HOXB3: variants seen among roughly 807,000 people sequenced by gnomAD.
HOXB3 encodes homeobox protein Hox-B3.
Under a neutral mutation model 29.2 loss-of-function variants are expected in HOXB3, and 17 were observed. The ratio of observed to expected loss-of-function variants is 0.58; its 90% CI spans 0.40 to 0.87. The LOEUF is 0.87. Among genes scored for constraint, HOXB3 ranks in the 40% least tolerant of loss-of-function variants. HOXB3 has a pLI of 0.00. For synonymous variants in HOXB3, 317 were observed against 285.9 expected (o/e 1.11, Z -1.10); for missense variants, 637 against 616.3 (o/e 1.03, Z -0.35).
At chr17:48,583,797 A>G (rs1191752750) in intron 1 of HOXB3, among the ~76,000 whole-genome samples, 1 of 152,218 alleles carries the variant, frequency 6.6e-6, no homozygotes, top group Admixed American at 6.5e-5. Flanking sequence ...TCCTGGCCTG[A>G]CACTGCAGAG....
In HOXB3 at chr17:48,550,435, C is replaced by G; in HGVS notation, c.1195G>C (p.Gly399Arg). The change falls in exon 5 of 5, where the codon GGA becomes CGA. Residue 399 changes from glycine to arginine, a missense_variant. Coordinates refer to ENST00000498678, the MANE Select transcript of HOXB3 (RefSeq NM_001384749.1). ...APPMAPSQHH[G>R]PCEPHPTYTD... The stretch of plus-strand genomic sequence containing the variant: ...TAGGTGGGGTGGGGTTCGCAGGGTC[C>G]GTGGTGCTGGCTGGGCGCCATAGGG... 6.2e-7 allele frequency: 1 copy of G among 1,613,734 alleles called. No homozygotes were observed. Among genetic ancestry groups the G allele is most frequent in the East Asian group, 2.2e-5 (1 of 44,842 alleles).
intron 1 of HOXB3, chr17:48,582,308 C>T (rs1401599917): frequency 6.6e-6 from 1 of 152,336 alleles, no homozygotes. Flanking sequence ...GCTCCCCAGC[C>T]CCGCCGGCCG....
At chr17:48,559,118 AGCACTC>A (rs1472571346) in intron 2 of HOXB3, among the ~76,000 whole-genome samples, 1 of 152,052 alleles carries the variant, frequency 6.6e-6, no homozygotes, top group Non-Finnish European at 1.5e-5. Context: ...TCAGAGCCAG[AGCACTC>A]GCTCTGGCAC....
rs201124186 is a variant in HOXB3, at chr17:48,552,336, A to T, written c.139T>A (p.Tyr47Asn). The stretch of plus-strand genomic sequence containing the variant: ...TGCAGCGAGCAAGCTGAGCGCTGGT[A>T]GTCGCCCTCCAGGTGCGTGGCGGCC... ...FQAATHLEGD[Y>N]QRSACSLQSL... Residue 47 changes from tyrosine (Y) to asparagine (N), a missense_variant, in exon 4 of 5, where the codon TAC (tyrosine) becomes AAC (asparagine). Tyr to Asn is a moderately radical substitution (Grantham distance 143, BLOSUM62 -2). Coordinates refer to ENST00000498678, the MANE Select transcript of HOXB3 (RefSeq NM_001384749.1). 1 of 1,613,978 alleles carries T rather than the reference A, an allele frequency of 6.2e-7. No homozygotes were observed. Among genetic ancestry groups the T allele is most frequent in the African/African-American group, 1.3e-5 (1 of 74,986 alleles).
intron 2 of HOXB3, among the ~76,000 whole-genome samples, chr17:48,563,246 A>T (rs575127715): frequency 1.3e-4 from 20 of 152,232 alleles, no homozygotes; most frequent in Non-Finnish European, 2.5e-4. Flanking sequence ...GCTCTGCTGC[A>T]TGTGGCTGCG....
Position 48,552,032 on chromosome 17 carries a change from C to A in HOXB3, c.443G>T (p.Gly148Val). 2 of 1,570,270 alleles carry A rather than the reference C, an allele frequency of 1.3e-6. No homozygotes were observed. Among genetic ancestry groups the A allele is most frequent in the Non-Finnish European group, 8.7e-7 (1 of 1,153,970 alleles). Reference sequence around the variant, plus strand: ...GGAAGGCAGAGAACTGGTACCTGTGCCGGGGGAGTTGTTTTTCAGCTTGGA... The same window carrying A: ...GGAAGGCAGAGAACTGGTACCTGTGACGGGGGAGTTGTTTTTCAGCTTGGA... Reference protein sequence around the residue: ...QTSKLKNNSPGTAEGCGGGGG... With the variant: ...QTSKLKNNSPVTAEGCGGGGG... Residue 148 changes from glycine to valine, a missense_variant, in exon 4 of 5, where the codon GGC (glycine) becomes GTC (valine). Coordinates refer to ENST00000498678, the MANE Select transcript of HOXB3 (RefSeq NM_001384749.1).
intron 1 of HOXB3, chr17:48,577,887 TC>T: frequency 7.2e-7 from 1 of 1,387,786 alleles, no homozygotes; most frequent in Non-Finnish European, 9.4e-7. Flanking sequence ...ACTTTGCGCA[TC>T]CAGGGGTAGA....
chr17:48,554,709 AGCCGGCC>A lies in HOXB3; in HGVS notation c.-159+815_-159+821del, dbSNP rs2068891326. On this transcript the variant is annotated intron_variant, in intron 3 of 4. Coordinates refer to ENST00000498678, the MANE Select transcript of HOXB3 (RefSeq NM_001384749.1). This position sits in a 1 kb window ranked among gnomAD's most constrained non-coding sequence, Gnocchi z 4.1. ...ATCGGAGGCAGGTTCCCAGCACACCAGCCGGCCGAGGGCCGAGCCCCGCGGGCGGCAG... is the reference window on the plus strand; with the variant it reads ...ATCGGAGGCAGGTTCCCAGCACACCAGAGGGCCGAGCCCCGCGGGCGGCAG... 2 of 702,272 alleles carry A rather than the reference AGCCGGCC, an allele frequency of 2.8e-6. No individual in the cohort carries two copies. Among genetic ancestry groups the A allele is most frequent in the Admixed American group, 2.0e-5 (1 of 49,998 alleles). 43.5% of individuals were successfully genotyped at this position (702,272 alleles called of 1,614,324 possible). A position where few individuals can be genotyped will look rare whatever the true frequency, so the allele number is the denominator to read the frequency against.
At chr17:48,551,535 A>T (rs2068743169) in intron 4 of HOXB3, among the ~76,000 whole-genome samples, 1 of 152,014 alleles carries the variant, frequency 6.6e-6, no homozygotes, top group Admixed American at 6.5e-5. Context: ...CAGGGAAGAC[A>T]TTTCCCCTCC....
chr17:48,551,323 C>T, intron 4 of HOXB3, 142 bp from the exon 5 acceptor site: 2 of 1,056,796 alleles, frequency 1.9e-6, no homozygotes, highest in Non-Finnish European at 2.4e-6. Context: ...CGGGTCCCCG[C>T]CGCCTCCTCA....
In HOXB3 at chr17:48,571,164, G is replaced by A. The variant is rs1290833592; in HGVS notation, c.-247+2673C>T. 4.6e-5 allele frequency among the ~76,000 whole-genome samples: 7 copies of A among 152,326 alleles called. No individual in the cohort carries two copies. The Middle Eastern group carries it at 0.014, about 296-fold the overall frequency. Reference sequence around the variant, plus strand: ...GCGAGCCGAGCACTTTCTTGCTGCCGATAAAGCGAACGTTTACACTGTGAG... The same window carrying A: ...GCGAGCCGAGCACTTTCTTGCTGCCAATAAAGCGAACGTTTACACTGTGAG... On this transcript the variant is annotated intron_variant, in intron 2 of 4. Transcript: ENST00000498678.
At position 48,554,760 on chromosome 17, in the gene HOXB3, G is replaced by A. The variant is rs2068893223; in HGVS notation, c.-159+771C>T. ...GCGGCAGCAAGTTTTGGGAGCTGGA[G>A]GTAACCGAATTAAAAGGCGCCTTAG... On this transcript the variant is annotated intron_variant, in intron 3 of 4. Coordinates refer to ENST00000498678, the MANE Select transcript of HOXB3 (RefSeq NM_001384749.1). The surrounding 1 kb of genome is among the most constrained non-coding windows in gnomAD (Gnocchi z 4.1). 3 of 702,264 alleles carry A rather than the reference G, an allele frequency of 4.3e-6. No individual in the cohort carries two copies. In the South Asian group the frequency reaches 4.4e-5, roughly 10 times the overall value. 43.5% of individuals were successfully genotyped at this position (702,264 alleles called of 1,614,324 possible). A position where few individuals can be genotyped will look rare whatever the true frequency, so the allele number is the denominator to read the frequency against.
At chr17:48,555,662 G>GCCCCCCC in intron 2 of HOXB3, 44 bp from the exon 3 acceptor site, 3 of 693,292 alleles carry the variant, frequency 4.3e-6, no homozygotes, top group Non-Finnish European at 7.9e-6. Flanking sequence ...AAGCTGCGTC[G>GCCCCCCC]CCCCCCGCCC....
At chr17:48,589,038 T>C (rs545545793) in intron 1 of HOXB3, among the ~76,000 whole-genome samples, 189 of 148,214 alleles carry the variant, frequency 1.3e-3, no homozygotes, top group Admixed American at 3.2e-3. Flanking sequence ...GGTGTTAAAT[T>C]GGAGGGGGGT....
Position 48,550,239 on chromosome 17 carries a change from C to A in HOXB3, c.*95G>T. ...GACCAGGAAGCCTGGGTACCACCTT[C>A]TCTGGCTCCTCTTTTCAGACCTCCA... On this transcript the variant is annotated 3_prime_UTR_variant, in exon 5 of 5. Transcript: ENST00000498678. The A allele has an allele frequency of 6.5e-7, 1 of 1,536,992 alleles. No homozygotes were observed.
chr17:48,552,660 G>A (rs1014588971), intron 3 of HOXB3, 28 bp from the exon 4 acceptor site: 2 of 550,616 alleles, frequency 3.6e-6, no homozygotes, highest in Non-Finnish European at 3.2e-6. Context: ...AGACACAAGG[G>A]GGAGAAGAGG....
chr17:48,580,900 A>C (rs1162740190), intron 1 of HOXB3: 3 of 152,154 alleles, frequency 2.0e-5, no homozygotes, highest in Non-Finnish European at 4.4e-5. Flanking sequence ...GAAGCCGTGA[A>C]TTTACTAAGC....
At chr17:48,578,453 G>A in intron 1 of HOXB3, 1 of 1,165,258 alleles carries the variant, frequency 8.6e-7, no homozygotes. Flanking sequence ...CCGAGCCAAT[G>A]GCCGCCCCGC....
At chr17:48,571,797 C>T (rs2069593960) in intron 2 of HOXB3, among the ~76,000 whole-genome samples, 1 of 152,198 alleles carries the variant, frequency 6.6e-6, no homozygotes, top group African/African-American at 2.4e-5. Context: ...GCCTCCAGCC[C>T]CTCTACTTAT....
Sources: gnomAD v4.1 joint callset for allele counts (sites outside exome capture counted in the v4.1 genomes callset) on GRCh38, gnomAD v4.1.1 for gene constraint, Gnocchi (gnomAD v3.1) non-coding constraint, MANE v1.5 for transcripts, NCBI Gene and HGNC (gene_info 2026-07-23, HGNC 2026-07-21) for gene names.